SCFD1: variants seen among roughly 807,000 people sequenced by gnomAD.
The protein encoded by SCFD1 is sec1 family domain-containing protein 1.
SCFD1 carries 37 observed loss-of-function variants against 103.2 expected under a neutral mutation model. The observed-to-expected ratio is 0.36, with a 90% CI of 0.28 to 0.47. SCFD1 has a LOEUF of 0.47. SCFD1 is among the 20% of genes least tolerant of loss of function. The pLI is 1.00. For missense variants in SCFD1, 639 were observed against 761.2 expected (o/e 0.84, Z 1.89); for synonymous variants, 264 against 245.0 (o/e 1.08, Z -0.73).
intron 7 of SCFD1, 42 bp from the exon 8 acceptor site, chr14:30,649,486 A>T: frequency 7.4e-7 from 1 of 1,344,160 alleles, no homozygotes; most frequent in Non-Finnish European, 1.0e-6. Context: ...ATCTATTTTA[A>T]TTAAGAGCCA....
chr14:30,625,489 A>G (rs779934956), intron 1 of SCFD1, among the ~76,000 whole-genome samples: 1 of 152,158 alleles, frequency 6.6e-6, no homozygotes, highest in Non-Finnish European at 1.5e-5. Context: ...ATGGTTTGTC[A>G]TTTCAGATAA....
intron 15 of SCFD1, among the ~76,000 whole-genome samples, chr14:30,699,861 T>A (rs193025369): frequency 6.6e-6 from 1 of 152,210 alleles, no homozygotes; most frequent in East Asian, 1.9e-4. Context: ...GTATCCTGTT[T>A]CAGAATTGTA....
chr14:30,674,857 T>C (rs1888890786), intron 13 of SCFD1, 127 bp from the exon 14 acceptor site: 1 of 484,798 alleles, frequency 2.1e-6, no homozygotes, highest in Non-Finnish European at 3.7e-6. Flanking sequence ...TAGTTGATAG[T>C]TTAATTCGTC....
chr14:30,649,986 T>C (rs1179137545), intron 8 of SCFD1, among the ~76,000 whole-genome samples: 1 of 152,166 alleles, frequency 6.6e-6, no homozygotes, highest in Non-Finnish European at 1.5e-5. Flanking sequence ...TATATTGAAG[T>C]AAAATATTAA....
At chr14:30,662,576 A>AT (rs1887544829) in intron 10 of SCFD1, among the ~76,000 whole-genome samples, 1 of 152,214 alleles carries the variant, frequency 6.6e-6, no homozygotes. Context: ...AAATTCTGGC[A>AT]TTGTGTTTAT....
At chr14:30,666,699 A>G (rs1888006336) in intron 10 of SCFD1, among the ~76,000 whole-genome samples, 1 of 152,204 alleles carries the variant, frequency 6.6e-6, no homozygotes, top group South Asian at 2.1e-4. Context: ...AATAGACGCA[A>G]TAAAAAATGA....
At chr14:30,709,576 C>T (rs1243784707) in intron 19 of SCFD1, among the ~76,000 whole-genome samples, 1 of 152,170 alleles carries the variant, frequency 6.6e-6, no homozygotes, top group Non-Finnish European at 1.5e-5. Context: ...CTCATTCTAC[C>T]TCCTGGTAAG....
intron 1 of SCFD1, among the ~76,000 whole-genome samples, chr14:30,622,873 A>G (rs1882995958): frequency 6.6e-6 from 1 of 152,228 alleles, no homozygotes; most frequent in Non-Finnish European, 1.5e-5. Context: ...TACCTGCAGA[A>G]AAATGCCTGG....
At chr14:30,706,933 A>G (rs117270983) in intron 18 of SCFD1, among the ~76,000 whole-genome samples, 2 of 152,114 alleles carry the variant, frequency 1.3e-5, no homozygotes, top group African/African-American at 4.8e-5. Context: ...GCACACCCCC[A>G]CAGAGTTGCC....
intron 14 of SCFD1, among the ~76,000 whole-genome samples, chr14:30,692,880 TG>T (rs1890416020): frequency 6.6e-6 from 1 of 152,216 alleles, no homozygotes; most frequent in Non-Finnish European, 1.5e-5. Flanking sequence ...TTCACTACTT[TG>T]TATCCCATAT....
At chr14:30,627,974 C>T (rs2138986901) in intron 1 of SCFD1, among the ~76,000 whole-genome samples, 2 of 151,798 alleles carry the variant, frequency 1.3e-5, no homozygotes, top group Middle Eastern at 6.8e-3. Context: ...CCCGCGATTT[C>T]ATCTGTGGAC....
chr14:30,691,857 A>T (rs1163440612), intron 14 of SCFD1, among the ~76,000 whole-genome samples: 1 of 152,242 alleles, frequency 6.6e-6, no homozygotes, highest in Non-Finnish European at 1.5e-5. Flanking sequence ...CTGTACTTAC[A>T]TAAGTCAGTG....
Position 30,622,360 on chromosome 14 carries a change from A to ACAG in SCFD1, c.36_38dup (p.Ala13dup), listed in dbSNP as rs372043124. On this transcript the variant is annotated inframe_insertion, in exon 1 of 25. Transcript: ENST00000458591. Reference sequence around the variant, plus strand: ...CAAGATGGCGGCGGCGGCGGCAGCGACAGCAGCAGCAGCAGCCAGTATTCG... The same window carrying ACAG: ...CAAGATGGCGGCGGCGGCGGCAGCGACAGCAGCAGCAGCAGCAGCCAGTATTCG... The ACAG allele has an allele frequency of 2.1e-3, 3,363 of 1,564,974 alleles. 47 individuals are homozygous for ACAG. In the African/African-American group the frequency reaches 0.038, roughly 18 times the overall value.
At chr14:30,696,275 G>C (rs1890693109) in intron 15 of SCFD1, among the ~76,000 whole-genome samples, 1 of 152,162 alleles carries the variant, frequency 6.6e-6, no homozygotes, top group Non-Finnish European at 1.5e-5. Context: ...TAGATTTGTG[G>C]TGAGAACATA....
At chr14:30,650,525 A>G (rs1300381375) in intron 8 of SCFD1, 40 bp from the exon 9 acceptor site, 1 of 1,169,408 alleles carries the variant, frequency 8.6e-7, no homozygotes, top group Non-Finnish European at 1.3e-6. Context: ...ATAAAGTTAT[A>G]TGAAACTGTT....
At chr14:30,649,840 T>G (rs1373688800) in intron 8 of SCFD1, among the ~76,000 whole-genome samples, 1 of 152,190 alleles carries the variant, frequency 6.6e-6, no homozygotes, top group East Asian at 1.9e-4. Flanking sequence ...AAAATGTATA[T>G]TCCTCATTCA....
intron 18 of SCFD1, among the ~76,000 whole-genome samples, chr14:30,707,043 C>A (rs1891518165): frequency 6.6e-6 from 1 of 152,146 alleles, no homozygotes; most frequent in East Asian, 1.9e-4. Context: ...CTCTTCATTT[C>A]AGAGGGGAGT....
chr14:30,655,028 T>C (rs375254985), intron 10 of SCFD1, among the ~76,000 whole-genome samples: 1 of 152,170 alleles, frequency 6.6e-6, no homozygotes, highest in East Asian at 1.9e-4. Context: ...CTGGCTTCAA[T>C]AGTAACAAAA....
intron 3 of SCFD1, among the ~76,000 whole-genome samples, chr14:30,633,202 C>T (rs903196024): frequency 6.6e-6 from 1 of 152,170 alleles, no homozygotes; most frequent in African/African-American, 2.4e-5. Context: ...AGTTATTAAA[C>T]ACAGACTCAC....
Sources: allele counts gnomAD v4.1 joint callset (sites outside exome capture counted in the v4.1 genomes callset), GRCh38; gene constraint gnomAD v4.1.1; transcripts MANE v1.5; gene names NCBI Gene and HGNC (gene_info 2026-07-23, HGNC 2026-07-21).